The following RBM47 variants were observed in gnomAD, a reference collection of about 807,000 sequenced individuals.
RBM47 encodes RNA-binding protein 47.
RBM47 carries 21 observed loss-of-function variants against 47.1 expected under a neutral mutation model. The observed-to-expected ratio is 0.45, with a 90% CI of 0.32 to 0.64. The LOEUF (loss-of-function observed/expected upper bound fraction) is 0.64. RBM47 is among the 30% of genes least tolerant of loss of function. RBM47 has a pLI of 0.05. For missense variants in RBM47, 708 were observed against 870.9 expected, an observed-to-expected ratio of 0.81 and a Z score of 2.35; for synonymous variants, 375 against 361.7, an observed-to-expected ratio of 1.04 and a Z score of -0.42.
intron 1 of RBM47, among the ~76,000 whole-genome samples, chr4:40,552,528 T>C (rs1729659794): frequency 6.6e-6 from 1 of 151,226 alleles, no homozygotes; most frequent in South Asian, 2.1e-4. Context: ...CTAAATTAAT[T>C]TGAACCAGGG....
chr4:40,446,397 T>C (rs1462739428), intron 3 of RBM47, among the ~76,000 whole-genome samples: 1 of 152,136 alleles, frequency 6.6e-6, no homozygotes, highest in East Asian at 1.9e-4. Context: ...GTAAAGTTCT[T>C]AGTGCAGAAC....
chr4:40,507,050 G>A (rs1230113424), intron 2 of RBM47, among the ~76,000 whole-genome samples: 3 of 152,110 alleles, frequency 2.0e-5, no homozygotes, highest in African/African-American at 7.2e-5. Context: ...TCCAGCTCCC[G>A]GGTTCAAGCA....
chr4:40,556,456 A>G (rs1428150495), intron 1 of RBM47, among the ~76,000 whole-genome samples: 1 of 152,156 alleles, frequency 6.6e-6, no homozygotes, highest in Non-Finnish European at 1.5e-5. Flanking sequence ...TAGGAGGATC[A>G]CGATCACACC....
At chr4:40,630,828 G>A (rs528910919), upstream of RBM47, 11 of 152,172 alleles carry the variant, frequency 7.2e-5, no homozygotes, top group Non-Finnish European at 1.3e-4. Context: ...GGAGCGCTAA[G>A]CCTGTTTGTA....
At chr4:40,569,012 T>TAGATAGAC (rs1156325276) in intron 1 of RBM47, among the ~76,000 whole-genome samples, 5 of 90,556 alleles carry the variant, frequency 5.5e-5, no homozygotes, top group Admixed American at 1.1e-4. Flanking sequence ...GATAGATAGA[T>TAGATAGAC]AGATAGACAG....
intron 1 of RBM47, among the ~76,000 whole-genome samples, chr4:40,596,774 T>G (rs999895542): frequency 6.6e-5 from 10 of 151,926 alleles, no homozygotes; most frequent in Non-Finnish European, 5.9e-5. Flanking sequence ...GGAAGGATAA[T>G]CACTGCATTC....
chr4:40,603,951 C>G (rs1735506558), intron 1 of RBM47, among the ~76,000 whole-genome samples: 1 of 152,264 alleles, frequency 6.6e-6, no homozygotes, highest in East Asian at 1.9e-4. Context: ...TCCCTGACTC[C>G]AGGATCTCAT....
At chr4:40,511,794 G>A (rs186135346) in intron 2 of RBM47, among the ~76,000 whole-genome samples, 323 of 152,098 alleles carry the variant, frequency 2.1e-3, no homozygotes, top group African/African-American at 6.4e-3. Context: ...AATTAGCCGG[G>A]CGTGGTGGCA....
chr4:40,482,248 T>A (rs896386765), intron 2 of RBM47, among the ~76,000 whole-genome samples: 1 of 152,022 alleles, frequency 6.6e-6, no homozygotes, highest in Admixed American at 6.6e-5. Flanking sequence ...CATTCCCTTT[T>A]TTATCTTATT....
intron 1 of RBM47, among the ~76,000 whole-genome samples, chr4:40,581,026 G>A (rs1222951654): frequency 6.6e-6 from 1 of 152,214 alleles, no homozygotes; most frequent in African/African-American, 2.4e-5. Context: ...GCTGGAATCT[G>A]GTAATGGAGG....
intron 2 of RBM47, among the ~76,000 whole-genome samples, chr4:40,521,380 T>C (rs1163680440): frequency 6.6e-6 from 1 of 152,048 alleles, no homozygotes; most frequent in Non-Finnish European, 1.5e-5. Flanking sequence ...TTTGTATTTT[T>C]AGTAGAGATG....
rs578098322 is a variant in RBM47 at position 40,501,291 on chromosome 4, T to TA, written c.-154-34593dup. On this transcript the variant is annotated intron_variant, in intron 2 of 6. Coordinates refer to ENST00000295971, the MANE Select transcript of RBM47 (RefSeq NM_001098634.2). ...AAAGGTTGTAATAAAATTTGGATGA[T>TA]AAAAAAAGTTGGATGACAAAGAAGA... Among the ~76,000 whole-genome samples the TA allele has an allele frequency of 2.2e-3, 330 of 152,302 alleles. 3 individuals carry two copies. Among genetic ancestry groups the TA allele is most frequent in the African/African-American group, 7.6e-3 (315 of 41,580 alleles).
At chr4:40,503,920 C>G (rs1013313842) in intron 2 of RBM47, among the ~76,000 whole-genome samples, 1 of 152,020 alleles carries the variant, frequency 6.6e-6, no homozygotes, top group South Asian at 2.1e-4. Context: ...CACCTGTAAT[C>G]CCAGCACTTT....
At chr4:40,497,881 G>C (rs765477352) in intron 2 of RBM47, among the ~76,000 whole-genome samples, 66 of 150,444 alleles carry the variant, frequency 4.4e-4, no homozygotes, top group Non-Finnish European at 7.5e-4. Context: ...TACTTGGAAG[G>C]CTGAGGCAGG....
intron 2 of RBM47, among the ~76,000 whole-genome samples, chr4:40,497,329 A>C (rs1722737384): frequency 6.6e-6 from 1 of 152,308 alleles, no homozygotes. Flanking sequence ...ATTTAAAAAC[A>C]AGCAAAGGGC....
At chr4:40,598,928 G>A (rs1734999492) in intron 1 of RBM47, among the ~76,000 whole-genome samples, 1 of 151,114 alleles carries the variant, frequency 6.6e-6, no homozygotes, top group Non-Finnish European at 1.5e-5. Context: ...TAAATAATTA[G>A]TACTGGTAAA....
chr4:40,628,571 C>T lies in RBM47; in HGVS notation c.-240+825G>A, dbSNP rs1737946607. The stretch of plus-strand genomic sequence containing the variant: ...TTTGCTTTCCCTCCCCTGAGAAATT[C>T]GTATGACCTTGCCTTAAAACTTTTA... On this transcript the variant is annotated intron_variant, in intron 1 of 6. Coordinates refer to ENST00000295971, the MANE Select transcript of RBM47 (RefSeq NM_001098634.2). This position sits in a 1 kb window ranked among gnomAD's most constrained non-coding sequence, Gnocchi z 4.0. 1.3e-5 allele frequency among the ~76,000 whole-genome samples: 2 copies of T among 152,198 alleles called. No individual in the cohort carries two copies. The highest frequency in any genetic ancestry group is 1.3e-4 in the Admixed American group (2 of 15,280).
intron 3 of RBM47, among the ~76,000 whole-genome samples, chr4:40,447,883 C>T (rs957405040): frequency 7.2e-5 from 11 of 152,080 alleles, no homozygotes; most frequent in Non-Finnish European, 1.3e-4. Flanking sequence ...TGGTGGCAGG[C>T]GCCTGTAGTC....
chr4:40,427,893 CAATT>C (rs1439263693), intron 6 of RBM47, among the ~76,000 whole-genome samples: 25 of 151,700 alleles, frequency 1.6e-4, no homozygotes, highest in Admixed American at 1.4e-3. Flanking sequence ...ATAATTATAA[CAATT>C]AATAACTCAG....
Sources: gnomAD v4.1 joint callset for allele counts (sites outside exome capture counted in the v4.1 genomes callset) on GRCh38, gnomAD v4.1.1 for gene constraint, Gnocchi (gnomAD v3.1) non-coding constraint, MANE v1.5 for transcripts, NCBI Gene and HGNC (gene_info 2026-07-23, HGNC 2026-07-21) for gene names.